Variants in PPP6R2 observed in about 807,000 individuals in gnomAD.
PPP6R2 encodes the protein protein phosphatase 6 regulatory subunit 2, also known as serine/threonine-protein phosphatase 6 regulatory subunit 2.
Under a neutral mutation model 100.2 loss-of-function variants are expected in PPP6R2, and 62 were observed. The ratio of observed to expected loss-of-function variants is 0.62; its 90% CI spans 0.50 to 0.76. PPP6R2 has a LOEUF of 0.76. PPP6R2 is among the 30% of genes least tolerant of loss of function. The pLI, the probability that PPP6R2 is intolerant of heterozygous loss-of-function variation, is 0.00. For missense variants in PPP6R2, 1,142 were observed against 1,276.3 expected (o/e 0.89, Z 1.60); for synonymous variants, 525 against 514.7 (o/e 1.02, Z -0.27).
chr22:50,374,372 A>T (rs955661494), intron 2 of PPP6R2, among the ~76,000 whole-genome samples: 1 of 152,178 alleles, frequency 6.6e-6, no homozygotes, highest in Non-Finnish European at 1.5e-5. Flanking sequence ...CATATGGATT[A>T]AACAGATTAA....
At chr22:50,368,201 T>C (rs1262477710) in intron 1 of PPP6R2, among the ~76,000 whole-genome samples, 2 of 152,214 alleles carry the variant, frequency 1.3e-5, no homozygotes, top group Non-Finnish European at 2.9e-5. Flanking sequence ...ACAGAGACGT[T>C]TACGCCTCCA....
intron 5 of PPP6R2, 48 bp downstream of exon 5, chr22:50,414,737 G>A: frequency 6.3e-7 from 1 of 1,586,554 alleles, no homozygotes; most frequent in Non-Finnish European, 8.6e-7. Flanking sequence ...GGTGCTGCAG[G>A]AAGCCAGCTG....
At chr22:50,421,090 C>G (rs969532886) in intron 8 of PPP6R2, among the ~76,000 whole-genome samples, 1 of 151,794 alleles carries the variant, frequency 6.6e-6, no homozygotes, top group Non-Finnish European at 1.5e-5. Context: ...CTCTCTTTCT[C>G]TCTCTCTCTC....
At position 50,438,778 on chromosome 22, in the gene PPP6R2, A is replaced by G; in HGVS notation, c.2128+16A>G. ...GACTCAGAAGGTGGTGCTGGGCGCC[A>G]GGGGCTGGGAGTGTGGGTATCGGGG... On this transcript the variant is annotated intron_variant, in intron 19 of 23. Coordinates refer to ENST00000612753, the MANE Select transcript of PPP6R2 (RefSeq NM_001242898.2). The G allele has an allele frequency of 1.3e-6, 2 of 1,576,172 alleles. No homozygotes were observed. The highest frequency in any genetic ancestry group is 1.7e-6 in the Non-Finnish European group (2 of 1,161,328).
chr22:50,424,787 GCCACCATGC>G (rs2061862360), intron 10 of PPP6R2, among the ~76,000 whole-genome samples: 1 of 151,878 alleles, frequency 6.6e-6, no homozygotes, highest in Non-Finnish European at 1.5e-5. Flanking sequence ...ACAGGCATGC[GCCACCATGC>G]CCAGCTAATT....
At chr22:50,406,050 A>AG (rs2058872202) in intron 3 of PPP6R2, among the ~76,000 whole-genome samples, 1 of 92,120 alleles carries the variant, frequency 1.1e-5, no homozygotes, top group Non-Finnish European at 2.1e-5. Context: ...GGCGAGTGTG[A>AG]AGGCCTGGAG....
upstream of PPP6R2, among the ~76,000 whole-genome samples, chr22:50,339,796 TGGGGTATGTGTGTGTG>T (rs2042349953): frequency 1.4e-5 from 1 of 71,790 alleles, no homozygotes; most frequent in African/African-American, 1.0e-4. Flanking sequence ...GTGGTGTGTG[TGGGGTATGTGTGTGTG>T]GTGTGTGGGG....
intron 1 of PPP6R2, among the ~76,000 whole-genome samples, chr22:50,351,025 T>G (rs2045003127): frequency 8.5e-5 from 7 of 82,012 alleles, no homozygotes; most frequent in South Asian, 6.0e-4. Context: ...GTCTCAACAG[T>G]GTTTTTTTTT....
At chr22:50,426,523 T>G (rs1254361393) in intron 10 of PPP6R2, among the ~76,000 whole-genome samples, 1 of 152,186 alleles carries the variant, frequency 6.6e-6, no homozygotes, top group Non-Finnish European at 1.5e-5. Flanking sequence ...TTATCCAGTT[T>G]TCCCAGCACT....
At chr22:50,388,074 G>T (rs1033124041) in intron 2 of PPP6R2, among the ~76,000 whole-genome samples, 3 of 152,044 alleles carry the variant, frequency 2.0e-5, no homozygotes, top group Non-Finnish European at 2.9e-5. Context: ...TGTAATCCCA[G>T]CACCTTGGGA....
the PPP6R2 span, among the ~76,000 whole-genome samples, chr22:50,332,681 T>C: frequency 2.6e-4 from 39 of 150,136 alleles, no homozygotes; most frequent in African/African-American, 9.1e-4. Flanking sequence ...TGAAGTGCAA[T>C]GGCGTGATCT....
chr22:50,406,269 C>G (rs1292735536), intron 3 of PPP6R2, among the ~76,000 whole-genome samples: 2 of 138,482 alleles, frequency 1.4e-5, no homozygotes, highest in African/African-American at 5.5e-5. Flanking sequence ...AGTGTGAAGG[C>G]CTAGAGGGAG....
upstream of PPP6R2, among the ~76,000 whole-genome samples, chr22:50,342,214 C>G (rs1395385552): frequency 1.3e-5 from 2 of 152,224 alleles, no homozygotes; most frequent in Non-Finnish European, 2.9e-5. Context: ...AGGGCATAGC[C>G]TGCTGAACGC....
intron 1 of PPP6R2, among the ~76,000 whole-genome samples, chr22:50,348,514 A>G (rs1204755435): frequency 1.3e-5 from 2 of 152,102 alleles, no homozygotes; most frequent in South Asian, 4.1e-4. Flanking sequence ...TGATGGAACA[A>G]ATGGGTGGAT....
chr22:50,436,254 A>G, intron 13 of PPP6R2, 113 bp from the exon 14 acceptor site: 2 of 896,998 alleles, frequency 2.2e-6, no homozygotes. Context: ...GGCTGACCAC[A>G]GTAGCAGCGC....
intron 4 of PPP6R2, among the ~76,000 whole-genome samples, chr22:50,414,079 C>G (rs890604940): frequency 3.3e-5 from 5 of 152,206 alleles, no homozygotes; most frequent in African/African-American, 1.2e-4. Context: ...TCTTCTTTCC[C>G]CTTCAACCGC....
chr22:50,439,310 TAGG>T (rs1417940512), intron 19 of PPP6R2, among the ~76,000 whole-genome samples: 1 of 151,926 alleles, frequency 6.6e-6, no homozygotes, highest in African/African-American at 2.4e-5. Context: ...ACATCCCAGA[TAGG>T]AGGAAGACAC....
At chr22:50,335,124 T>G in the PPP6R2 span, among the ~76,000 whole-genome samples, 1 of 146,818 alleles carries the variant, frequency 6.8e-6, no homozygotes, top group Non-Finnish European at 1.5e-5. Flanking sequence ...CAATCTCGGC[T>G]CACCACAACC....
intron 1 of PPP6R2, among the ~76,000 whole-genome samples, chr22:50,350,523 C>T (rs1020571483): frequency 1.3e-5 from 2 of 151,746 alleles, no homozygotes; most frequent in African/African-American, 4.8e-5. Flanking sequence ...TGAACCACTG[C>T]GACCGGCCTG....
Sources: allele counts gnomAD v4.1 joint callset (sites outside exome capture counted in the v4.1 genomes callset), GRCh38; gene constraint gnomAD v4.1.1; transcripts MANE v1.5; gene names NCBI Gene and HGNC (gene_info 2026-07-23, HGNC 2026-07-21).